LRP1B: variants seen among roughly 807,000 people sequenced by gnomAD.
LRP1B encodes LDL receptor related protein 1B.
In LRP1B, 217 loss-of-function variants were observed where a neutral mutation model predicts 556.6. The observed-to-expected ratio is 0.39, with a 90% CI of 0.35 to 0.44. The LOEUF (loss-of-function observed/expected upper bound fraction) is 0.44, where lower values mean the gene tolerates loss of function less well. LRP1B is among the 20% of genes least tolerant of loss of function. The pLI is 1.00. For synonymous variants in LRP1B, 2,047 were observed against 1,865.8 expected (o/e 1.10, Z -2.50); for missense variants, 5,053 against 5,620.8 (o/e 0.90, Z 3.23).
chr2:141,979,016 A>G (rs1157614883), intron 1 of LRP1B, among the ~76,000 whole-genome samples: 6 of 152,008 alleles, frequency 3.9e-5, no homozygotes, highest in Non-Finnish European at 7.4e-5. Flanking sequence ...CCAATGGTCT[A>G]TAGTTTTTGA....
intron 68 of LRP1B, among the ~76,000 whole-genome samples, chr2:140,374,616 CG>C (rs934857050): frequency 6.6e-5 from 10 of 151,910 alleles, no homozygotes; most frequent in Non-Finnish European, 1.2e-4. Flanking sequence ...CTATTAGTGC[CG>C]GGGACATAGT....
intron 2 of LRP1B, among the ~76,000 whole-genome samples, chr2:141,651,684 T>C (rs922135553): frequency 5.9e-5 from 9 of 152,108 alleles, no homozygotes; most frequent in Non-Finnish European, 1.3e-4. Context: ...ATAATGATAA[T>C]AAATGCATGA....
intron 2 of LRP1B, among the ~76,000 whole-genome samples, chr2:141,608,398 A>G (rs905537766): frequency 6.6e-6 from 1 of 152,232 alleles, no homozygotes; most frequent in African/African-American, 2.4e-5. Flanking sequence ...ACAAGGTCAC[A>G]TTAAATGAAT....
chr2:140,722,263 T>C (rs947674319), intron 35 of LRP1B, among the ~76,000 whole-genome samples: 44 of 152,346 alleles, frequency 2.9e-4, no homozygotes, highest in African/African-American at 1.1e-3. Flanking sequence ...GTTCAATTTC[T>C]GTCTGTTACA....
At chr2:140,785,994 C>T (rs4423546) in intron 32 of LRP1B, among the ~76,000 whole-genome samples, 64,634 of 151,946 alleles carry the variant, frequency 0.43, 13,959 homozygotes, top group African/African-American at 0.48. Flanking sequence ...AACTGCTTAG[C>T]TCAGGGTCTC....
At chr2:141,535,864 C>A (rs763986248) in intron 2 of LRP1B, among the ~76,000 whole-genome samples, 1 of 152,230 alleles carries the variant, frequency 6.6e-6, no homozygotes, top group African/African-American at 2.4e-5. Flanking sequence ...ACCTGTAAAA[C>A]CATTTAAGCA....
intron 1 of LRP1B, among the ~76,000 whole-genome samples, chr2:141,848,557 C>T (rs1319970779): frequency 6.6e-6 from 1 of 151,428 alleles, no homozygotes; most frequent in African/African-American, 2.4e-5. Context: ...CAAAACTATA[C>T]ATCTTAAAAA....
At chr2:141,929,818 C>A (rs146956447) in intron 1 of LRP1B, among the ~76,000 whole-genome samples, 1 of 147,166 alleles carries the variant, frequency 6.8e-6, no homozygotes, top group Non-Finnish European at 1.5e-5. Context: ...ATGAACTGAG[C>A]ACAAGGTTAA....
chr2:140,618,791 C>T (rs1405126035), intron 41 of LRP1B, among the ~76,000 whole-genome samples: 1 of 151,854 alleles, frequency 6.6e-6, no homozygotes, highest in Non-Finnish European at 1.5e-5. Flanking sequence ...TCCCCTCATT[C>T]AGGACAGAAA....
chr2:140,878,893 A>G (rs1382202939), intron 25 of LRP1B, among the ~76,000 whole-genome samples: 2 of 151,480 alleles, frequency 1.3e-5, no homozygotes, highest in South Asian at 2.1e-4. Context: ...TGTAATCCCA[A>G]CTACAGAATT....
chr2:140,321,381 T>C (rs79549259), intron 82 of LRP1B, among the ~76,000 whole-genome samples: 3,075 of 152,086 alleles, frequency 0.02, 37 homozygotes, highest in African/African-American at 0.028. Context: ...TTTTTAGTTT[T>C]TACATTAGTG....
At chr2:141,170,459 T>C (rs565647271) in intron 7 of LRP1B, among the ~76,000 whole-genome samples, 171 of 152,198 alleles carry the variant, frequency 1.1e-3, no homozygotes, top group African/African-American at 3.3e-3. Context: ...AATCCACTTT[T>C]CACTCCGAAA....
At chr2:140,412,458 A>G (rs1019942603) in intron 66 of LRP1B, among the ~76,000 whole-genome samples, 1 of 152,108 alleles carries the variant, frequency 6.6e-6, no homozygotes, top group Non-Finnish European at 1.5e-5. Flanking sequence ...AATATATCAA[A>G]TTTAATCTAA....
chr2:141,258,362 T>C (rs962261518), intron 3 of LRP1B, among the ~76,000 whole-genome samples: 5 of 152,106 alleles, frequency 3.3e-5, no homozygotes, highest in African/African-American at 1.2e-4. Context: ...GGTGTGTGCC[T>C]GTAGTCCCAG....
At chr2:141,725,786 G>T (rs1346897051) in intron 2 of LRP1B, among the ~76,000 whole-genome samples, 1 of 151,648 alleles carries the variant, frequency 6.6e-6, no homozygotes, top group East Asian at 1.9e-4. Context: ...CTTTGCATCA[G>T]TGTACCTGGT....
Position 140,238,907 on chromosome 2 carries a change from G to A in LRP1B, c.13415+535C>T, listed in dbSNP as rs137930444. Reference sequence around the variant, plus strand: ...TCAGTAATAATGGACATTATTTCACGTCCATTTGTAAGTGAGCACACATGG... The same window carrying A: ...TCAGTAATAATGGACATTATTTCACATCCATTTGTAAGTGAGCACACATGG... On this transcript the variant is annotated intron_variant, in intron 88 of 90. Coordinates refer to ENST00000389484, the MANE Select transcript of LRP1B (RefSeq NM_018557.3). Among the ~76,000 whole-genome samples the A allele has an allele frequency of 4.2e-3, 634 of 150,770 alleles. 2 individuals carry two copies. Among genetic ancestry groups the A allele is most frequent in the South Asian group, 0.018 (86 of 4,814 alleles).
chr2:141,569,108 C>G (rs1378102965), intron 2 of LRP1B, among the ~76,000 whole-genome samples: 1 of 150,942 alleles, frequency 6.6e-6, no homozygotes. Context: ...AGGCACTATG[C>G]TATCTAATTG....
At chr2:140,748,706 A>G (rs1320531803) in intron 35 of LRP1B, among the ~76,000 whole-genome samples, 34 of 128,574 alleles carry the variant, frequency 2.6e-4, no homozygotes, top group East Asian at 9.3e-4. Flanking sequence ...AGTCCTATGT[A>G]TATATATATA....
At position 141,742,545 on chromosome 2, in the gene LRP1B, C is replaced by T. The variant is rs151063173; in HGVS notation, c.205+67734G>A. The stretch of plus-strand genomic sequence containing the variant: ...CTGGGATTAGAGGTATGAGCCACCA[C>T]GCCTGGCCTCCAGTTCTGTCCTTAG... On this transcript the variant is annotated intron_variant, in intron 2 of 90. Transcript: ENST00000389484. Among the ~76,000 whole-genome samples the T allele has an allele frequency of 2.0e-3, 303 of 152,130 alleles. 2 individuals are homozygous for T. Among genetic ancestry groups the T allele is most frequent in the African/African-American group, 6.7e-3 (278 of 41,526 alleles).
Sources: allele counts gnomAD v4.1 joint callset (sites outside exome capture counted in the v4.1 genomes callset), GRCh38; gene constraint gnomAD v4.1.1; transcripts MANE v1.5; gene names NCBI Gene and HGNC (gene_info 2026-07-23, HGNC 2026-07-21).